Variants in HKDC1 observed in about 807,000 individuals in gnomAD.
HKDC1 encodes hexokinase domain containing 1.
A neutral mutation model predicts 96.6 loss-of-function variants in HKDC1; 66 were observed. The ratio of observed to expected loss-of-function variants is 0.68; its 90% confidence interval spans 0.56 to 0.84. The LOEUF (loss-of-function observed/expected upper bound fraction) is 0.84, where lower values mean the gene tolerates loss of function less well. HKDC1 is among the 40% of genes least tolerant of loss of function. The probability of loss-of-function intolerance (pLI) is 0.00; values close to 1 mark genes in which losing one functional copy is unlikely to be tolerated. For synonymous variants in HKDC1, 466 were observed against 473.1 expected, an observed-to-expected ratio of 0.98 and a Z score of 0.20; for missense variants, 1,211 against 1,208.1, an observed-to-expected ratio of 1.00 and a Z score of -0.04.
At chr10:69,246,331 C>T (rs1843540902) in intron 8 of HKDC1, 97 bp downstream of exon 8, 1 of 1,319,316 alleles carries the variant, frequency 7.6e-7, no homozygotes, top group Admixed American at 1.9e-5. Flanking sequence ...GGGACTAGAT[C>T]CTCCTCCTTC....
intron 10 of HKDC1, among the ~76,000 whole-genome samples, chr10:69,249,799 G>A (rs758205595): frequency 9.9e-5 from 15 of 152,104 alleles, no homozygotes; most frequent in East Asian, 5.8e-4. Context: ...GCGCCAGACC[G>A]GAGGCCCCTT....
In HKDC1 at chr10:69,228,981, A is replaced by G. The variant is rs1843205915; in HGVS notation, c.226+1612A>G. Among the ~76,000 whole-genome samples the G allele has an allele frequency of 2.0e-5, 3 of 152,212 alleles. No individual in the cohort carries two copies. In the South Asian group the frequency reaches 6.2e-4, roughly 32 times the overall value. On this transcript the variant is annotated intron_variant, in intron 2 of 17. Transcript: ENST00000354624. ...GAGAAAGAAGAAAGAAAGAAAGCAA[A>G]GAAAAAGAAAGAAAGAAAGAGAGAA...
rs372443571 is a variant in HKDC1 at position 69,250,453 on chromosome 10, C to T, written c.1716+18C>T. The T allele has an allele frequency of 6.2e-7, 1 of 1,611,866 alleles. No individual in the cohort carries two copies. The highest frequency in any genetic ancestry group is 8.5e-7 in the Non-Finnish European group (1 of 1,178,166). The stretch of plus-strand genomic sequence containing the variant: ...GTGAGGAGGTAAGTGCCAGGCAAGG[C>T]CTTTGGGCTCCGAGGTGCCAGCCTG... On this transcript the variant is annotated intron_variant, in intron 11 of 17. Coordinates refer to ENST00000354624, the MANE Select transcript of HKDC1 (RefSeq NM_025130.4).
At chr10:69,263,160 G>A (rs56010487) in intron 16 of HKDC1, among the ~76,000 whole-genome samples, 12,666 of 152,104 alleles carry the variant, frequency 0.083, 736 homozygotes, top group Non-Finnish European at 0.13. Flanking sequence ...AACCTCCCGG[G>A]TTCAAGTGAT....
chr10:69,237,538 T>G (rs956770619), intron 4 of HKDC1, among the ~76,000 whole-genome samples: 6 of 152,150 alleles, frequency 3.9e-5, no homozygotes, highest in Non-Finnish European at 7.3e-5. Context: ...TTGATTCTAG[T>G]CACCAAATAT....
intron 12 of HKDC1, among the ~76,000 whole-genome samples, chr10:69,252,445 A>T (rs1358215816): frequency 1.3e-5 from 2 of 152,068 alleles, no homozygotes; most frequent in Non-Finnish European, 2.9e-5. Flanking sequence ...GGAGATGGAG[A>T]TCATCCTGGC....
At position 69,267,132 on chromosome 10, in the gene HKDC1, A is replaced by G. The variant is rs1843915446; in HGVS notation, c.*375A>G. 3 of 225,778 alleles carry G rather than the reference A, an allele frequency of 1.3e-5. No individual in the cohort carries two copies. The South Asian group carries it at 2.1e-4, about 16-fold the overall frequency. The allele number at this position is 225,778 out of a possible 1,614,324, so 14.0% of individuals were successfully genotyped here. On this transcript the variant is annotated 3_prime_UTR_variant, in exon 18 of 18. Coordinates refer to ENST00000354624, the MANE Select transcript of HKDC1 (RefSeq NM_025130.4). ...CATGTGGCTGGCAGGCTGTTTCCCCATTGGGATGCTTAAGCCATCTCTTAT... is the reference window on the plus strand; with the variant it reads ...CATGTGGCTGGCAGGCTGTTTCCCCGTTGGGATGCTTAAGCCATCTCTTAT...
chr10:69,223,500 T>C (rs1256645156), intron 1 of HKDC1, among the ~76,000 whole-genome samples: 2 of 152,114 alleles, frequency 1.3e-5, no homozygotes, highest in Non-Finnish European at 2.9e-5. Flanking sequence ...TATGCCATAA[T>C]GTAGTTAACC....
At chr10:69,266,573 T>G (rs748041004) in intron 17 of HKDC1, 37 bp from the exon 18 acceptor site, 3 of 1,606,504 alleles carry the variant, frequency 1.9e-6, no homozygotes, top group Non-Finnish European at 2.6e-6. Context: ...TGATTCTACA[T>G]GGAAGGGCTG....
At chr10:69,255,877 A>G (rs935748431) in intron 12 of HKDC1, among the ~76,000 whole-genome samples, 1 of 151,182 alleles carries the variant, frequency 6.6e-6, no homozygotes, top group Admixed American at 6.6e-5. Context: ...AGATCACACC[A>G]TTACACTCCA....
intron 4 of HKDC1, 30 bp downstream of exon 4, chr10:69,233,163 G>A: frequency 1.2e-6 from 2 of 1,612,120 alleles, no homozygotes; most frequent in African/African-American, 2.7e-5. Flanking sequence ...AGCAGTGCAG[G>A]AATTGGGGCT....
Position 69,220,500 on chromosome 10 carries a change from T to C in HKDC1, c.63+2T>C. Reference sequence around the variant, plus strand: ...CTGAAGGAGGACCAGATCAAGAAGGTAAGGAGGACCCACGAAGCTGAGAGA... The same window carrying C: ...CTGAAGGAGGACCAGATCAAGAAGGCAAGGAGGACCCACGAAGCTGAGAGA... On this transcript the variant is annotated splice_donor_variant, in intron 1 of 17. Coordinates refer to ENST00000354624, the MANE Select transcript of HKDC1 (RefSeq NM_025130.4). LOFTEE classifies it high-confidence loss of function. 1 of 1,586,554 alleles carries C rather than the reference T, an allele frequency of 6.3e-7. No individual in the cohort carries two copies. Among genetic ancestry groups the C allele is most frequent in the South Asian group, 1.1e-5 (1 of 87,058 alleles).
At chr10:69,230,407 CT>C (rs1335717664) in intron 2 of HKDC1, among the ~76,000 whole-genome samples, 2 of 152,132 alleles carry the variant, frequency 1.3e-5, no homozygotes, top group African/African-American at 4.8e-5. Context: ...GCCCCTCCCC[CT>C]GGGGACTCTG....
At chr10:69,229,232 T>A (rs931883882) in intron 2 of HKDC1, among the ~76,000 whole-genome samples, 1 of 152,156 alleles carries the variant, frequency 6.6e-6, no homozygotes. Flanking sequence ...GGGGCTTTGA[T>A]GGGATCAGTC....
chr10:69,249,179 C>A (rs528559283), intron 10 of HKDC1, among the ~76,000 whole-genome samples: 7 of 152,322 alleles, frequency 4.6e-5, no homozygotes, highest in Non-Finnish European at 8.8e-5. Flanking sequence ...TCCTTCTGGT[C>A]CTCGGTGCTC....
intron 16 of HKDC1, among the ~76,000 whole-genome samples, chr10:69,262,408 G>A (rs905972357): frequency 6.6e-6 from 1 of 151,826 alleles, no homozygotes; most frequent in Non-Finnish European, 1.5e-5. Flanking sequence ...CACCATGGGC[G>A]CAGTGTTTTT....
intron 15 of HKDC1, among the ~76,000 whole-genome samples, chr10:69,259,559 G>A (rs780266593): frequency 6.6e-6 from 1 of 152,236 alleles, no homozygotes; most frequent in Non-Finnish European, 1.5e-5. Context: ...GAGCTGGCAT[G>A]TGATATTAGT....
chr10:69,251,403 T>C (rs1279283996), intron 12 of HKDC1, among the ~76,000 whole-genome samples: 1 of 152,090 alleles, frequency 6.6e-6, no homozygotes, highest in Non-Finnish European at 1.5e-5. Context: ...GCCTACTTTA[T>C]AAGTTTTGAA....
chr10:69,242,736 C>G (rs1256251608), intron 6 of HKDC1, among the ~76,000 whole-genome samples: 1 of 152,060 alleles, frequency 6.6e-6, no homozygotes, highest in Non-Finnish European at 1.5e-5. Context: ...GCAGCTTATG[C>G]TAGAAACAAT....
Sources: gnomAD v4.1 joint callset for allele counts (sites outside exome capture counted in the v4.1 genomes callset) on GRCh38, gnomAD v4.1.1 for gene constraint, MANE v1.5 for transcripts, NCBI Gene and HGNC (gene_info 2026-07-23, HGNC 2026-07-21) for gene names.